The following PTPRG variants were observed in gnomAD, a reference collection of about 807,000 sequenced individuals.
PTPRG encodes the protein receptor-type tyrosine-protein phosphatase gamma.
A neutral mutation model predicts 165.3 loss-of-function variants in PTPRG; 102 were observed. That is an observed-to-expected ratio of 0.62 (90% CI 0.53 to 0.73). The LOEUF (loss-of-function observed/expected upper bound fraction) is 0.73. Ranked by LOEUF, PTPRG falls within the 30% of genes least tolerant of loss-of-function variation. The pLI, the probability that PTPRG is intolerant of heterozygous loss-of-function variation, is 0.00. For synonymous variants in PTPRG, 675 were observed against 669.5 expected (o/e 1.01, Z -0.13); for missense variants, 1,866 against 1,861.4 (o/e 1.00, Z -0.05).
chr3:62,009,625 G>A (rs1159851229), intron 4 of PTPRG, among the ~76,000 whole-genome samples: 12 of 152,240 alleles, frequency 7.9e-5, no homozygotes, highest in Admixed American at 2.0e-4. Context: ...GAGTTGTCTT[G>A]TAATGACCCC....
rs544658124 is a variant in PTPRG at position 62,115,899 on chromosome 3, C to T, written c.616-16703C>T. Among the ~76,000 whole-genome samples the T allele has an allele frequency of 1.1e-4, 16 of 152,222 alleles. No individual in the cohort carries two copies. In the South Asian group the frequency reaches 3.1e-3, roughly 30 times the overall value. ...CAAGGGTTGCTCAAAAAATAAGTTT[C>T]CTATGATGTTTTTAATTTGCCGGTC... On this transcript the variant is annotated intron_variant, in intron 5 of 29. Transcript: ENST00000474889.
chr3:62,176,663 G>A (rs1465128421), intron 8 of PTPRG, among the ~76,000 whole-genome samples: 2 of 151,976 alleles, frequency 1.3e-5, no homozygotes, highest in African/African-American at 2.4e-5. Context: ...GGGTGCTCAG[G>A]GCATAGGGTA....
intron 1 of PTPRG, among the ~76,000 whole-genome samples, chr3:61,738,388 A>G (rs1171567386): frequency 1.3e-5 from 2 of 149,100 alleles, no homozygotes; most frequent in Non-Finnish European, 3.0e-5. Flanking sequence ...TGGAATGTGC[A>G]TGTAAAAATG....
rs763853413 is a variant in PTPRG at position 62,203,301 on chromosome 3, C to G, written c.1506C>G (p.Gly502=). 1 of 1,614,030 alleles carries G rather than the reference C, an allele frequency of 6.2e-7. No individual in the cohort carries two copies. Among genetic ancestry groups the G allele is most frequent in the Non-Finnish European group, 8.5e-7 (1 of 1,180,016 alleles). Residue 502 remains glycine (G), a synonymous_variant, in exon 12 of 30, where the codon GGC becomes GGG. Transcript: ENST00000474889. The surrounding 1 kb of genome is among the most constrained non-coding windows in gnomAD (Gnocchi z 6.4). ...MATGMGPSSS[G]SQATVASVVT... ...CTGGGATGGGCCCCTCCTCCAGTGG[C>G]AGCCAGGCCACAGTGGCCTCGGTGG... is the stretch of plus-strand genomic sequence containing the variant.
Position 62,190,218 on chromosome 3 carries a change from C to T in PTPRG, c.1034-1251C>T, listed in dbSNP as rs757074715. Among the ~76,000 whole-genome samples, 15 of 152,108 alleles carry T rather than the reference C, an allele frequency of 9.9e-5. No individual in the cohort carries two copies. Among genetic ancestry groups the T allele is most frequent in the East Asian group, 1.9e-4 (1 of 5,180 alleles). On this transcript the variant is annotated intron_variant, in intron 8 of 29. Transcript: ENST00000474889. The surrounding 1 kb of genome is among the most constrained non-coding windows in gnomAD (Gnocchi z 5.2). ...ATTTTTGGTTGTCACAAGTTGAGGACGGGGAGCAGAGCTACTGGCATCTAG... is the reference window on the plus strand; with the variant it reads ...ATTTTTGGTTGTCACAAGTTGAGGATGGGGAGCAGAGCTACTGGCATCTAG...
intron 2 of PTPRG, among the ~76,000 whole-genome samples, chr3:61,757,484 A>G (rs1200402739): frequency 6.6e-6 from 1 of 152,156 alleles, no homozygotes; most frequent in Non-Finnish European, 1.5e-5. Context: ...TTGTCTCTTT[A>G]ATTGGCTGTA....
intron 2 of PTPRG, among the ~76,000 whole-genome samples, chr3:61,950,118 A>G (rs1474868705): frequency 6.6e-6 from 1 of 152,136 alleles, no homozygotes; most frequent in Non-Finnish European, 1.5e-5. Context: ...TTGCATTACT[A>G]GTAATATAAA....
At chr3:61,587,604 C>T (rs1700463659) in intron 1 of PTPRG, among the ~76,000 whole-genome samples, 1 of 152,122 alleles carries the variant, frequency 6.6e-6, no homozygotes, top group South Asian at 2.1e-4. Context: ...AATTATCCCA[C>T]TAATGTCTTT....
chr3:61,941,812 A>G (rs1166067529), intron 2 of PTPRG, among the ~76,000 whole-genome samples: 1 of 152,070 alleles, frequency 6.6e-6, no homozygotes, highest in Non-Finnish European at 1.5e-5. Flanking sequence ...TTATAAAGAA[A>G]TATTTGATTT....
chr3:61,848,911 A>T (rs192356713), intron 2 of PTPRG, among the ~76,000 whole-genome samples: 1 of 152,350 alleles, frequency 6.6e-6, no homozygotes, highest in East Asian at 1.9e-4. Context: ...TAGTTGAGGA[A>T]ACTGAAGTTC....
rs1553667465 is a variant in PTPRG, at chr3:62,281,551, T to TTTTTTTTTTTTTTTTTTTTTTTTTTTTTG, written c.3766-12_3766-11insTTTTTTTTTTTTTTTTTTTTTTTTTTTTG. 1.7e-5 allele frequency: 25 copies of TTTTTTTTTTTTTTTTTTTTTTTTTTTTTG among 1,466,876 alleles called. 3 individuals carry two copies. In the South Asian group the frequency reaches 3.3e-4, roughly 19 times the overall value. The allele number at this position is 1,466,876 out of a possible 1,614,324, so 90.9% of individuals were successfully genotyped here. The stretch of plus-strand genomic sequence containing the variant: ...GAACTGCAGAGGCTTTTTTTTTTTT[T>TTTTTTTTTTTTTTTTTTTTTTTTTTTTTG]GGATTCCAAAGGCAGAAGATGAGTT... On this transcript the variant is annotated splice_polypyrimidine_tract_variant and intron_variant, in intron 26 of 29. Transcript: ENST00000474889.
At position 61,978,210 on chromosome 3, in the gene PTPRG, T is replaced by A. The variant is rs57278136; in HGVS notation, c.191-11415T>A. Among the ~76,000 whole-genome samples the A allele has an allele frequency of 5.3e-5, 8 of 152,358 alleles. No homozygotes were observed. The East Asian group carries it at 1.5e-3, about 29-fold the overall frequency. On this transcript the variant is annotated intron_variant, in intron 2 of 29. Coordinates refer to ENST00000474889, the MANE Select transcript of PTPRG (RefSeq NM_002841.4). ...TTGCGTACTAGAGAACTTTTACTTT[T>A]GCAGTATGGATTGCAAATGTGTTTT...
intron 2 of PTPRG, among the ~76,000 whole-genome samples, chr3:61,800,621 G>C (rs1438791621): frequency 6.6e-6 from 1 of 151,608 alleles, no homozygotes; most frequent in Non-Finnish European, 1.5e-5. Flanking sequence ...GAGAAAGAAG[G>C]GTGTTCCGTG....
In PTPRG at chr3:62,168,038, G is replaced by A; in HGVS notation, c.908G>A (p.Arg303Lys). Reference sequence around the variant, plus strand: ...CATGTCAAGTCGGTGGAGTATCTGAGAAATAACTTTCGACCACAGCAGCGT... The same window carrying A: ...CATGTCAAGTCGGTGGAGTATCTGAAAAATAACTTTCGACCACAGCAGCGT... ...QDHVKSVEYLRNNFRPQQRLH... is the reference protein window; with the variant it reads ...QDHVKSVEYLKNNFRPQQRLH... The change falls in exon 8 of 30, where the codon AGA becomes AAA. Residue 303 changes from arginine to lysine, a missense_variant. Arg to Lys is a conservative substitution (Grantham distance 26). Coordinates refer to ENST00000474889, the MANE Select transcript of PTPRG (RefSeq NM_002841.4). 6.2e-7 allele frequency: 1 copy of A among 1,613,846 alleles called. No individual in the cohort carries two copies. The highest frequency in any genetic ancestry group is 8.5e-7 in the Non-Finnish European group (1 of 1,179,938).
intron 2 of PTPRG, chr3:61,770,297 G>A (rs757209241): frequency 5.3e-5 from 8 of 152,128 alleles, no homozygotes; most frequent in Non-Finnish European, 8.8e-5. Flanking sequence ...GAATGATTGG[G>A]TTCATTTTTA....
intron 1 of PTPRG, among the ~76,000 whole-genome samples, chr3:61,679,745 C>T (rs899265735): frequency 2.0e-5 from 3 of 152,094 alleles, no homozygotes; most frequent in Non-Finnish European, 2.9e-5. Context: ...CATGCCGTTG[C>T]ACTGCAGCCT....
At chr3:61,647,032 A>G (rs1031138476) in intron 1 of PTPRG, among the ~76,000 whole-genome samples, 2 of 152,162 alleles carry the variant, frequency 1.3e-5, no homozygotes, top group African/African-American at 4.8e-5. Context: ...GGCTTTTCCT[A>G]GTTTGGGGCT....
intron 1 of PTPRG, among the ~76,000 whole-genome samples, chr3:61,736,527 G>A (rs1458001700): frequency 6.6e-6 from 1 of 152,042 alleles, no homozygotes; most frequent in Non-Finnish European, 1.5e-5. Context: ...AAGGGTGAAG[G>A]TGAAGTTTGT....
At chr3:61,567,965 C>CAAAA (rs11451025) in intron 1 of PTPRG, among the ~76,000 whole-genome samples, 6 of 124,180 alleles carry the variant, frequency 4.8e-5, no homozygotes, top group East Asian at 2.3e-4. Context: ...GACCCTGCCT[C>CAAAA]AAAAAAAAAA....
Sources: allele counts gnomAD v4.1 joint callset (sites outside exome capture counted in the v4.1 genomes callset), GRCh38; gene constraint gnomAD v4.1.1; non-coding constraint Gnocchi (gnomAD v3.1); transcripts MANE v1.5; gene names NCBI Gene and HGNC (gene_info 2026-07-23, HGNC 2026-07-21).